DNAJB6: variants seen among roughly 807,000 people sequenced by gnomAD.
DNAJB6 encodes dnaJ homolog subfamily B member 6.
Under a neutral mutation model 42.7 loss-of-function variants are expected in DNAJB6, and 16 were observed. The ratio of observed to expected loss-of-function variants is 0.37; its 90% CI spans 0.25 to 0.57. The LOEUF is 0.57. Among genes scored for constraint, DNAJB6 ranks in the 20% least tolerant of loss-of-function variants. The pLI is 0.74. For synonymous variants in DNAJB6, 170 were observed against 163.5 expected, an observed-to-expected ratio of 1.04 and a Z score of -0.30; for missense variants, 347 against 416.8, an observed-to-expected ratio of 0.83 and a Z score of 1.46.
chr7:157,410,320 TTTCAGCG>T, intron 9 of DNAJB6: 1 of 514,542 alleles, frequency 1.9e-6, no homozygotes, highest in African/African-American at 2.0e-5. Context: ...TTTTCGTAGC[TTTCAGCG>T]TAGAGCTTGA....
chr7:157,338,576 C>A (rs1798172148), intron 1 of DNAJB6, among the ~76,000 whole-genome samples: 2 of 152,184 alleles, frequency 1.3e-5, no homozygotes, highest in Admixed American at 6.5e-5. Flanking sequence ...CTAAAGTGAT[C>A]GCCTGCCTCG....
chr7:157,397,643 C>A (rs1209591986), intron 8 of DNAJB6, among the ~76,000 whole-genome samples: 2 of 152,244 alleles, frequency 1.3e-5, no homozygotes, highest in Admixed American at 1.3e-4. Context: ...TGGGCACGTC[C>A]CCGTGCCGTC....
chr7:157,346,993 C>T (rs1047414271), intron 1 of DNAJB6, among the ~76,000 whole-genome samples: 3 of 152,180 alleles, frequency 2.0e-5, no homozygotes, highest in African/African-American at 7.2e-5. Context: ...GTAGCTGAGA[C>T]TACAGGCGCC....
intron 8 of DNAJB6, among the ~76,000 whole-genome samples, chr7:157,396,753 T>A (rs1382330750): frequency 6.6e-6 from 1 of 152,138 alleles, no homozygotes; most frequent in Admixed American, 6.5e-5. Flanking sequence ...TGTGAGTTCC[T>A]GGGAAATGGG....
intron 5 of DNAJB6, among the ~76,000 whole-genome samples, chr7:157,374,103 T>A (rs1227701994): frequency 6.6e-6 from 1 of 152,190 alleles, no homozygotes; most frequent in African/African-American, 2.4e-5. Context: ...TCCTTGTGTG[T>A]AATTTCACAT....
intron 8 of DNAJB6, among the ~76,000 whole-genome samples, chr7:157,394,349 G>A (rs1324612138): frequency 6.6e-6 from 1 of 152,162 alleles, no homozygotes; most frequent in Non-Finnish European, 1.5e-5. Flanking sequence ...CTTAAGAAAT[G>A]CTGCCCCTGT....
At position 157,366,912 on chromosome 7, in the gene DNAJB6, G is replaced by A. The variant is rs563694148; in HGVS notation, c.235+351G>A. On this transcript the variant is annotated intron_variant, in intron 4 of 9. Transcript: ENST00000262177. ...CTAAAATAATGACTTTGAAGGGCGT[G>A]GACTTTGTCCCCAAAAGTTCCCACG... Among the ~76,000 whole-genome samples the A allele has an allele frequency of 9.2e-5, 14 of 152,308 alleles. No homozygotes were observed. In the East Asian group the frequency reaches 2.5e-3, roughly 27 times the overall value.
intron 1 of DNAJB6, chr7:157,339,870 A>T (rs1798266172): frequency 6.6e-6 from 1 of 152,038 alleles, no homozygotes; most frequent in Non-Finnish European, 1.5e-5. Context: ...CAGGTGATCC[A>T]CCCGCCTCGG....
At chr7:157,373,763 G>A (rs570154244) in intron 5 of DNAJB6, among the ~76,000 whole-genome samples, 24 of 152,084 alleles carry the variant, frequency 1.6e-4, no homozygotes, top group East Asian at 5.8e-4. Context: ...ATCATTACAC[G>A]GCGCTACAGC....
At chr7:157,385,484 C>G in intron 7 of DNAJB6, 57 bp from the exon 8 acceptor site, 5 of 1,560,852 alleles carry the variant, frequency 3.2e-6, no homozygotes, top group Non-Finnish European at 4.4e-6. Context: ...ACTTAGTTAC[C>G]CTCACACATG....
Position 157,342,057 on chromosome 7 carries a change from G to A in DNAJB6, c.-27+4913G>A, listed in dbSNP as rs571912834. Among the ~76,000 whole-genome samples the A allele has an allele frequency of 6.3e-4, 96 of 152,276 alleles. 2 individuals are homozygous for A. Among genetic ancestry groups the A allele is most frequent in the Non-Finnish European group, 1.5e-5 (1 of 68,024 alleles). On this transcript the variant is annotated intron_variant, in intron 1 of 9. Transcript: ENST00000262177. ...AATTGTTGTATATTTAGTAGAGAGT[G>A]GGTTTTGCCATGTTGGCCAGACTGG...
intron 8 of DNAJB6, among the ~76,000 whole-genome samples, chr7:157,407,490 C>T (rs953361473): frequency 3.3e-5 from 5 of 152,216 alleles, no homozygotes; most frequent in Non-Finnish European, 7.3e-5. Flanking sequence ...GTATTGGGTG[C>T]AATCCTCCTG....
At chr7:157,369,473 G>A (rs1800008177) in intron 5 of DNAJB6, 14 of 455,008 alleles carry the variant, frequency 3.1e-5, no homozygotes, top group East Asian at 7.0e-5. Context: ...TGGGGCACAC[G>A]AGGTGAAACG....
intron 5 of DNAJB6, among the ~76,000 whole-genome samples, chr7:157,370,378 A>G (rs1283718010): frequency 2.0e-5 from 3 of 152,114 alleles, no homozygotes; most frequent in Non-Finnish European, 4.4e-5. Flanking sequence ...ATTATTAAAC[A>G]GGACCTTCTT....
chr7:157,337,283 G>C (rs937161337), intron 1 of DNAJB6, 139 bp downstream of exon 1: 1 of 152,126 alleles, frequency 6.6e-6, no homozygotes. Context: ...TGGACGGGGC[G>C]GGGGCCGTGG....
intron 1 of DNAJB6, among the ~76,000 whole-genome samples, chr7:157,342,425 C>T (rs1227071035): frequency 6.9e-6 from 1 of 145,024 alleles, no homozygotes; most frequent in Non-Finnish European, 1.5e-5. Context: ...GCAACCTCTG[C>T]CTCCCAGGTT....
intron 6 of DNAJB6, 124 bp from the exon 7 acceptor site, chr7:157,384,743 G>T: frequency 1.0e-6 from 1 of 955,240 alleles, no homozygotes; most frequent in Non-Finnish European, 1.6e-6. Context: ...TAGTTGCGTC[G>T]TTTATTACTC....
At chr7:157,369,446 C>T (rs1440623191) in intron 5 of DNAJB6, 2 of 456,124 alleles carry the variant, frequency 4.4e-6, no homozygotes, top group Non-Finnish European at 8.8e-6. Flanking sequence ...GCTCTTCCAA[C>T]ACCATGGCTT....
intron 8 of DNAJB6, among the ~76,000 whole-genome samples, chr7:157,392,212 G>A (rs1339823365): frequency 6.6e-6 from 1 of 152,006 alleles, no homozygotes; most frequent in Non-Finnish European, 1.5e-5. Context: ...TCTGTCAACA[G>A]TTTCTAAAAT....
Sources: allele counts gnomAD v4.1 joint callset (sites outside exome capture counted in the v4.1 genomes callset), GRCh38; gene constraint gnomAD v4.1.1; transcripts MANE v1.5; gene names NCBI Gene and HGNC (gene_info 2026-07-23, HGNC 2026-07-21).